Variants in GATD1 observed in about 807,000 individuals in gnomAD.
GATD1 encodes glutamine amidotransferase-like class 1 domain-containing protein 1.
Under a neutral mutation model 25.9 loss-of-function variants are expected in GATD1, and 23 were observed. That is an observed-to-expected ratio of 0.89 (90% confidence interval 0.64 to 1.26). The LOEUF is 1.26. Ranked by LOEUF, GATD1 falls within the 50% of genes most tolerant of loss-of-function variation. The pLI is 0.00. For missense variants in GATD1, 347 were observed against 312.5 expected (o/e 1.11, Z -0.83); for synonymous variants, 177 against 134.6 (o/e 1.31, Z -2.18).
Position 770,067 on chromosome 11 carries a change from G to A in GATD1, c.*830C>T. On this transcript the variant is annotated 3_prime_UTR_variant, in exon 8 of 8. Transcript: ENST00000319863. ...CAAACTGGGGAACTGTGAGGAAGTA[G>A]AGGGCCTAAGCCTCTCCTGGACGCC... 1.7e-6 allele frequency: 2 copies of A among 1,179,886 alleles called. No homozygotes were observed. The highest frequency in any genetic ancestry group is 2.1e-6 in the Non-Finnish European group (2 of 955,510). 73.1% of individuals were successfully genotyped at this position (1,179,886 alleles called of 1,614,324 possible).
intron 4 of GATD1, among the ~76,000 whole-genome samples, chr11:773,136 C>G (rs1006940985): frequency 6.6e-6 from 1 of 152,230 alleles, no homozygotes; most frequent in African/African-American, 2.4e-5. Context: ...CACAGCCCAA[C>G]CCGGAGCCGG....
At position 769,860 on chromosome 11, in the gene GATD1, C is replaced by T; in HGVS notation, c.*1037G>A. On this transcript the variant is annotated 3_prime_UTR_variant, in exon 8 of 8. Coordinates refer to ENST00000319863, the MANE Select transcript of GATD1 (RefSeq NM_182612.4). ...CTCGATCTCCTGACCTCGTGATCCG[C>T]CCGCCTCGGCCTCCCAAAGTGCTGG... The T allele has an allele frequency of 1.1e-6, 1 of 913,254 alleles. No homozygotes were observed. Among genetic ancestry groups the T allele is most frequent in the Non-Finnish European group, 1.3e-6 (1 of 764,006 alleles). 56.6% of individuals were successfully genotyped at this position (913,254 alleles called of 1,614,324 possible). A position where few individuals can be genotyped will look rare whatever the true frequency, so the allele number is the denominator to read the frequency against.
At chr11:773,227 A>C in intron 4 of GATD1, 1 of 373,386 alleles carries the variant, frequency 2.7e-6, no homozygotes, top group Non-Finnish European at 4.9e-6. Flanking sequence ...CCTGGATGCC[A>C]GGCTTTCCCA....
In GATD1 at chr11:771,078, C is replaced by G; in HGVS notation, c.571G>C (p.Val191Leu). ...SASEPDAVHVVLDRHLVTGQN... is the reference protein window; with the variant it reads ...SASEPDAVHVLLDRHLVTGQN... ...CCTGTGACCAGGTGGCGGTCCAGCA[C>G]GACGTGGACAGCGTCAGGCTCGCTT... The change falls in exon 7 of 8, where the codon GTG becomes CTG. Residue 191 changes from valine to leucine, a missense_variant. By Grantham distance (32) the Val-to-Leu change is conservative. Coordinates refer to ENST00000319863, the MANE Select transcript of GATD1 (RefSeq NM_182612.4). The G allele has an allele frequency of 6.2e-7, 1 of 1,608,850 alleles. No homozygotes were observed. Among genetic ancestry groups the G allele is most frequent in the Non-Finnish European group, 8.5e-7 (1 of 1,178,638 alleles).
chr11:773,804 T>G (rs1240619376), intron 3 of GATD1, among the ~76,000 whole-genome samples, 175 bp from the exon 4 acceptor site: 4 of 152,134 alleles, frequency 2.6e-5, no homozygotes. Context: ...CTGACTTTCC[T>G]GTCTCCACAC....
chr11:776,188 A>C (rs1863955016), intron 1 of GATD1, among the ~76,000 whole-genome samples: 1 of 151,490 alleles, frequency 6.6e-6, no homozygotes, highest in Admixed American at 6.6e-5. Context: ...TCACTGTTTT[A>C]GCCAGAATGG....
At chr11:773,876 A>C in intron 3 of GATD1, 132 bp downstream of exon 3, 2 of 783,720 alleles carry the variant, frequency 2.6e-6, no homozygotes, top group Non-Finnish European at 4.1e-6. Flanking sequence ...GTGGGGCTGG[A>C]GGCTGCCCCA....
Position 771,396 on chromosome 11 carries a change from C to T in GATD1, c.481G>A (p.Gly161Ser), listed in dbSNP as rs770802473. The T allele has an allele frequency of 2.3e-5, 36 of 1,566,460 alleles. No homozygotes were observed. Among genetic ancestry groups the T allele is most frequent in the Non-Finnish European group, 2.9e-5 (34 of 1,158,008 alleles). Residue 161 changes from glycine to serine, a missense_variant, in exon 6 of 8, where the codon GGC (glycine) becomes AGC (serine). Gly to Ser is a moderately conservative substitution (Grantham distance 56, BLOSUM62 0). Coordinates refer to ENST00000319863, the MANE Select transcript of GATD1 (RefSeq NM_182612.4). ...PSVCELVRAPGFARLPLVVED... is the reference protein window; with the variant it reads ...PSVCELVRAPSFARLPLVVED... ...ACCACGAGCGGCAGGCGGGCGAAGC[C>T]GGGGGCCCTGACGAGCTCACACACA...
At chr11:771,256 G>A (rs1277862184) in intron 6 of GATD1, 77 bp downstream of exon 6, 4 of 1,561,472 alleles carry the variant, frequency 2.6e-6, no homozygotes. Flanking sequence ...GGGCCCAGGA[G>A]GCTTCTCCCC....
intron 4 of GATD1, chr11:773,274 G>A (rs567358903): frequency 2.7e-5 from 13 of 478,208 alleles, no homozygotes; most frequent in African/African-American, 4.1e-5. Context: ...TGCTCAGGAG[G>A]GCATGGCCAC....
Position 769,766 on chromosome 11 carries a change from T to C in GATD1, c.*1131A>G, listed in dbSNP as rs1032851568. On this transcript the variant is annotated 3_prime_UTR_variant, in exon 8 of 8. Coordinates refer to ENST00000319863, the MANE Select transcript of GATD1 (RefSeq NM_182612.4). Reference sequence around the variant, plus strand: ...CTGGGACTACACACACCCACCACCATGCCAGGCTAACTTTTTGTATTTTTG... The same window carrying C: ...CTGGGACTACACACACCCACCACCACGCCAGGCTAACTTTTTGTATTTTTG... 3 of 286,272 alleles carry C rather than the reference T, an allele frequency of 1.0e-5. No individual in the cohort carries two copies. The highest frequency in any genetic ancestry group is 1.7e-4 in the East Asian group (1 of 5,760). The allele number at this position is 286,272 out of a possible 1,614,324, so 17.7% of individuals were successfully genotyped here.
intron 2 of GATD1, 57 bp from the exon 3 acceptor site, chr11:774,170 CAG>C (rs1264275236): frequency 1.2e-5 from 18 of 1,484,002 alleles, no homozygotes; most frequent in Non-Finnish European, 1.7e-5. Flanking sequence ...CCTGTCGGCT[CAG>C]AGGGAGCCTG....
chr11:770,809 A>T lies in GATD1; in HGVS notation c.*88T>A. ...GCTGCCATCCAGGGCCCTTGTCAGG[A>T]GGGAAGAGGCGGGGTCCCTGAAGCC... On this transcript the variant is annotated 3_prime_UTR_variant, in exon 8 of 8. Coordinates refer to ENST00000319863, the MANE Select transcript of GATD1 (RefSeq NM_182612.4). The T allele has an allele frequency of 6.5e-7, 1 of 1,543,472 alleles. No individual in the cohort carries two copies. The highest frequency in any genetic ancestry group is 8.7e-7 in the Non-Finnish European group (1 of 1,143,456).
Position 773,619 on chromosome 11 carries a change from G to C in GATD1, c.258C>G (p.Tyr86Ter). 6.2e-7 allele frequency: 1 copy of C among 1,606,998 alleles called. No homozygotes were observed. The highest frequency in any genetic ancestry group is 2.2e-5 in the East Asian group (1 of 44,790). ...AKLESIDGAR[Y>*]HALLIPSCPG... ...GACAGCTGGGGATCAGGAGGGCATG[G>C]TACCGGGCACCTGGGGGGAGACCAC... is the stretch of plus-strand genomic sequence containing the variant. Residue 86 changes from tyrosine (Y) to a stop codon, truncating the protein, a stop_gained, in exon 4 of 8, where the codon TAC becomes TAG. Transcript: ENST00000319863. LOFTEE classifies it high-confidence loss of function.
chr11:771,538 G>C, intron 5 of GATD1, 112 bp from the exon 6 acceptor site: 2 of 1,428,798 alleles, frequency 1.4e-6, no homozygotes, highest in Non-Finnish European at 1.8e-6. Context: ...GTGGGACCGG[G>C]GGTGTCACTG....
rs982775112 is a variant in GATD1, at chr11:770,190, C to T, written c.*707G>A. On this transcript the variant is annotated 3_prime_UTR_variant, in exon 8 of 8. Transcript: ENST00000319863. Reference sequence around the variant, plus strand: ...GTCTGCTCTTGATAGCCGCTCTACCCGAGGCCACTGTGCAAGGCCGTGGGG... The same window carrying T: ...GTCTGCTCTTGATAGCCGCTCTACCTGAGGCCACTGTGCAAGGCCGTGGGG... 7 of 1,296,056 alleles carry T rather than the reference C, an allele frequency of 5.4e-6. No individual in the cohort carries two copies. The highest frequency in any genetic ancestry group is 2.6e-5 in the South Asian group (1 of 38,710). 80.3% of individuals were successfully genotyped at this position (1,296,056 alleles called of 1,614,324 possible).
At chr11:773,973 G>A (rs1365801392) in intron 3 of GATD1, 35 bp downstream of exon 3, 1 of 1,593,032 alleles carries the variant, frequency 6.3e-7, no homozygotes, top group African/African-American at 1.3e-5. Context: ...AAGGTCCCAG[G>A]CACCCCACCC....
chr11:773,971 A>G (rs1179870224), intron 3 of GATD1, 37 bp downstream of exon 3: 3 of 1,588,344 alleles, frequency 1.9e-6, no homozygotes, highest in Admixed American at 1.7e-5. Flanking sequence ...CCAAGGTCCC[A>G]GGCACCCCAC....
chr11:774,722 C>T (rs923151154), intron 2 of GATD1, among the ~76,000 whole-genome samples: 5 of 152,068 alleles, frequency 3.3e-5, no homozygotes, highest in Admixed American at 2.0e-4. Context: ...CCCAGCTACT[C>T]GGGAGGCTGA....
Sources: gnomAD v4.1 joint callset for allele counts (sites outside exome capture counted in the v4.1 genomes callset) on GRCh38, gnomAD v4.1.1 for gene constraint, MANE v1.5 for transcripts, NCBI Gene and HGNC (gene_info 2026-07-23, HGNC 2026-07-21) for gene names.